The following CYFIP1 variants were observed in gnomAD, a reference collection of about 807,000 sequenced individuals.
The protein encoded by CYFIP1 is cytoplasmic FMR1-interacting protein 1.
In CYFIP1, 58 loss-of-function variants were observed where a neutral mutation model predicts 163.5. That is an observed-to-expected ratio of 0.35 (90% CI 0.29 to 0.44). The LOEUF is 0.44. Ranked by LOEUF, CYFIP1 falls within the 20% of genes least tolerant of loss-of-function variation. CYFIP1 has a pLI of 1.00. For missense variants in CYFIP1, 1,338 were observed against 1,653.8 expected (o/e 0.81, Z 3.31); for synonymous variants, 663 against 660.7 (o/e 1.00, Z -0.05).
chr15:22,919,973 G>A (rs369555889), intron 13 of CYFIP1, among the ~76,000 whole-genome samples: 37 of 151,874 alleles, frequency 2.4e-4, no homozygotes, highest in African/African-American at 8.7e-4. Flanking sequence ...AGTGAGCCAT[G>A]ACTATGCCAC....
At position 22,960,023 on chromosome 15, in the gene CYFIP1, A is replaced by G. The variant is rs879544061; in HGVS notation, c.-6-12732T>C. 3.3e-5 allele frequency among the ~76,000 whole-genome samples: 5 copies of G among 152,184 alleles called. 1 individual carries two copies. The highest frequency in any genetic ancestry group is 7.2e-5 in the African/African-American group (3 of 41,444). On this transcript the variant is annotated intron_variant, in intron 1 of 30. Transcript: ENST00000617928. ...GTCTGGCATAGCCCAGTAGCAGCCC[A>G]GCCCTTCTCCTGCACCAAGTGCACC... is the stretch of plus-strand genomic sequence containing the variant.
intron 1 of CYFIP1, among the ~76,000 whole-genome samples, chr15:22,950,799 T>G (rs2062224436): frequency 6.6e-6 from 1 of 152,200 alleles, no homozygotes; most frequent in Admixed American, 6.5e-5. Flanking sequence ...TGCAGCGGTA[T>G]GGCCAGGCTG....
chr15:22,934,147 A>AT (rs2061626989), intron 9 of CYFIP1, among the ~76,000 whole-genome samples: 1 of 109,644 alleles, frequency 9.1e-6, no homozygotes, highest in Non-Finnish European at 2.0e-5. Context: ...ATCCACAGTC[A>AT]TAAAAAAAAA....
At chr15:22,952,628 C>A (rs1219362041) in intron 1 of CYFIP1, among the ~76,000 whole-genome samples, 1 of 114,262 alleles carries the variant, frequency 8.8e-6, no homozygotes, top group Non-Finnish European at 1.6e-5. Flanking sequence ...GCACTCCAAC[C>A]CCAGCGACAG....
intron 10 of CYFIP1, among the ~76,000 whole-genome samples, chr15:22,932,838 T>G (rs569182398): frequency 2.8e-4 from 42 of 152,138 alleles, no homozygotes. Context: ...AGTCTCTTCT[T>G]TTTTTCTTTG....
chr15:22,955,535 G>C (rs1330062318), intron 1 of CYFIP1, among the ~76,000 whole-genome samples: 1 of 94,110 alleles, frequency 1.1e-5, no homozygotes, highest in African/African-American at 3.7e-5. Flanking sequence ...GGGGAGGCAG[G>C]GGAGCAGGGT....
chr15:22,929,457 C>A (rs1011335958), intron 11 of CYFIP1, among the ~76,000 whole-genome samples: 4 of 151,838 alleles, frequency 2.6e-5, no homozygotes, highest in African/African-American at 7.3e-5. Context: ...CATGGTGAAA[C>A]CCCGTCTCTA....
chr15:22,970,070 TAAA>T (rs981625315), intron 1 of CYFIP1, among the ~76,000 whole-genome samples: 3 of 152,150 alleles, frequency 2.0e-5, no homozygotes, highest in Non-Finnish European at 2.9e-5. Flanking sequence ...AAGCAACATG[TAAA>T]AATCAGTTGC....
At chr15:22,879,794 G>C in intron 26 of CYFIP1, 119 bp downstream of exon 26, 1 of 664,706 alleles carries the variant, frequency 1.5e-6, no homozygotes, top group South Asian at 2.0e-5. Context: ...AAAAAAAAAT[G>C]ATGCACAGCT....
At chr15:22,951,130 C>T (rs1397021394) in intron 1 of CYFIP1, among the ~76,000 whole-genome samples, 1 of 152,090 alleles carries the variant, frequency 6.6e-6, no homozygotes, top group African/African-American at 2.4e-5. Context: ...CAGGCCAATC[C>T]CCAATGGCGG....
chr15:22,922,614 A>C (rs2061222254), intron 13 of CYFIP1, among the ~76,000 whole-genome samples: 1 of 152,200 alleles, frequency 6.6e-6, no homozygotes, highest in Non-Finnish European at 1.5e-5. Context: ...CCCCTCACAC[A>C]ACCTTGTCAA....
At position 22,917,166 on chromosome 15, in the gene CYFIP1, T is replaced by C. The variant is rs2061014312; in HGVS notation, c.1675-536A>G. 2.8e-6 allele frequency: 4 copies of C among 1,432,840 alleles called. No individual in the cohort carries two copies. The highest frequency in any genetic ancestry group is 5.8e-5 in the Admixed American group (2 of 34,624). 88.8% of individuals were successfully genotyped at this position (1,432,840 alleles called of 1,614,324 possible). A position where few individuals can be genotyped will look rare whatever the true frequency, so the allele number is the denominator to read the frequency against. ...GGCACCACGCACAGGCCGAGGGCCG[T>C]CCCCCTGACCCTCCTGCAGAGCCAG... On this transcript the variant is annotated intron_variant, in intron 15 of 30. Coordinates refer to ENST00000617928, the MANE Select transcript of CYFIP1 (RefSeq NM_014608.6). This position sits in a 1 kb window ranked among gnomAD's most constrained non-coding sequence, Gnocchi z 4.2.
At chr15:22,938,125 A>G (rs1271290183) in intron 8 of CYFIP1, among the ~76,000 whole-genome samples, 4 of 152,220 alleles carry the variant, frequency 2.6e-5, no homozygotes, top group Non-Finnish European at 5.9e-5. Flanking sequence ...GGTGGAGAAG[A>G]GAGCAAAGGG....
chr15:22,882,924 C>G lies in CYFIP1; in HGVS notation c.2764G>C (p.Gly922Arg). Reference sequence around the variant, plus strand: ...ATGACCACGGCGATACCCTGGTAGCCGAGAAGCCGGCAGATGACTTGAAAG... The same window carrying G: ...ATGACCACGGCGATACCCTGGTAGCGGAGAAGCCGGCAGATGACTTGAAAG... ...PHFQVICRLL[G>R]YQGIAVVMEE... The change falls in exon 24 of 31, where the codon GGC (glycine) becomes CGC (arginine). Residue 922 changes from glycine to arginine, a missense_variant. By Grantham distance (125) the Gly-to-Arg change is moderately radical. Transcript: ENST00000617928. 1.2e-6 allele frequency: 2 copies of G among 1,613,978 alleles called. No individual in the cohort carries two copies. Among genetic ancestry groups the G allele is most frequent in the South Asian group, 2.2e-5 (2 of 91,068 alleles).
chr15:22,934,435 T>A (rs1435751297), intron 9 of CYFIP1, among the ~76,000 whole-genome samples: 1 of 141,532 alleles, frequency 7.1e-6, no homozygotes, highest in Non-Finnish European at 1.5e-5. Flanking sequence ...TCTACCCACC[T>A]CAGCCTCCCA....
intron 23 of CYFIP1, among the ~76,000 whole-genome samples, chr15:22,889,933 G>A (rs2060027345): frequency 6.6e-6 from 1 of 152,128 alleles, no homozygotes; most frequent in Non-Finnish European, 1.5e-5. Context: ...ACTTTCAGAA[G>A]CAGAAGCCTC....
chr15:22,975,527 G>C (rs1002863731), intron 1 of CYFIP1, among the ~76,000 whole-genome samples: 4 of 151,602 alleles, frequency 2.6e-5, no homozygotes, highest in Non-Finnish European at 4.4e-5. Context: ...GGCAGAGGCA[G>C]AGGCGGGCAG....
At chr15:22,896,471 C>T (rs996556782) in intron 22 of CYFIP1, among the ~76,000 whole-genome samples, 7 of 152,058 alleles carry the variant, frequency 4.6e-5, no homozygotes, top group African/African-American at 1.2e-4. Context: ...ATATTAGAAT[C>T]GCTGATGTTT....
At chr15:22,951,420 A>AG (rs749383985) in intron 1 of CYFIP1, 1 of 1,289,414 alleles carries the variant, frequency 7.8e-7, no homozygotes, top group South Asian at 1.2e-5. Flanking sequence ...CGCTGCCTGC[A>AG]GAGCCAGCAT....
Sources: gnomAD v4.1 joint callset for allele counts (sites outside exome capture counted in the v4.1 genomes callset) on GRCh38, gnomAD v4.1.1 for gene constraint, Gnocchi (gnomAD v3.1) non-coding constraint, MANE v1.5 for transcripts, NCBI Gene and HGNC (gene_info 2026-07-23, HGNC 2026-07-21) for gene names.